Variants in MAGI2 observed in about 807,000 individuals in gnomAD.
MAGI2 encodes the protein membrane-associated guanylate kinase, WW and PDZ domain-containing protein 2.
In MAGI2, 35 loss-of-function variants were observed where a neutral mutation model predicts 133.3. That is an observed-to-expected ratio of 0.26 (90% confidence interval 0.20 to 0.35). The LOEUF (loss-of-function observed/expected upper bound fraction) is 0.35, where lower values mean the gene tolerates loss of function less well. Ranked by LOEUF, MAGI2 falls within the 10% of genes least tolerant of loss-of-function variation. MAGI2 has a pLI of 1.00. For synonymous variants in MAGI2, 729 were observed against 710.6 expected, an observed-to-expected ratio of 1.03 and a Z score of -0.41; for missense variants, 1,636 against 1,863.4, an observed-to-expected ratio of 0.88 and a Z score of 2.25.
chr7:78,422,828 C>A (rs145504030), intron 6 of MAGI2, among the ~76,000 whole-genome samples: 1 of 152,096 alleles, frequency 6.6e-6, no homozygotes, highest in Non-Finnish European at 1.5e-5. Flanking sequence ...AACAGACTCC[C>A]GCTTTTCTGA....
At chr7:78,305,854 A>G (rs1440022840) in intron 9 of MAGI2, among the ~76,000 whole-genome samples, 1 of 152,196 alleles carries the variant, frequency 6.6e-6, no homozygotes, top group African/African-American at 2.4e-5. Context: ...TAAATCCACA[A>G]TACATTTCTA....
At chr7:78,876,891 T>TATTTATTTATTCAACC (rs60897005) in intron 2 of MAGI2, among the ~76,000 whole-genome samples, 2 of 151,720 alleles carry the variant, frequency 1.3e-5, no homozygotes, top group Admixed American at 6.6e-5. Flanking sequence ...CTTCCTCATT[T>TATTTATTTATTCAACC]ATTTATTTAT....
intron 1 of MAGI2, among the ~76,000 whole-genome samples, chr7:79,331,703 G>C (rs1347276766): frequency 6.6e-6 from 1 of 152,080 alleles, no homozygotes; most frequent in Non-Finnish European, 1.5e-5. Flanking sequence ...TTAGTCTAGT[G>C]CCATTTCTAT....
chr7:79,330,736 A>T (rs1411725769), intron 1 of MAGI2, among the ~76,000 whole-genome samples: 4 of 152,154 alleles, frequency 2.6e-5, no homozygotes, highest in South Asian at 4.2e-4. Context: ...ATGGCCAAAG[A>T]TTGTTGTGAG....
chr7:79,059,692 T>C (rs751423775), intron 1 of MAGI2, among the ~76,000 whole-genome samples: 3 of 152,136 alleles, frequency 2.0e-5, no homozygotes, highest in Non-Finnish European at 4.4e-5. Flanking sequence ...CAAGGTAGCA[T>C]ATATTTAAAC....
intron 1 of MAGI2, among the ~76,000 whole-genome samples, chr7:79,068,879 T>C (rs538574171): frequency 5.3e-5 from 8 of 152,324 alleles, no homozygotes; most frequent in Non-Finnish European, 8.8e-5. Flanking sequence ...GTTGTACAGT[T>C]TCCATGTAGA....
intron 20 of MAGI2, among the ~76,000 whole-genome samples, chr7:78,124,926 G>A (rs867002858): frequency 1.3e-4 from 19 of 148,824 alleles, no homozygotes; most frequent in Middle Eastern, 3.5e-3. Context: ...GCAGTGGCAC[G>A]ATCTTGGCTC....
In MAGI2 at chr7:78,695,126, G is replaced by A. The variant is rs545544023; in HGVS notation, c.419-67887C>T. ...TGTAGTCCCAGCTACTCGGGAGGCT[G>A]AGGCAGGAGAATTGCTTGAACCAGG... On this transcript the variant is annotated intron_variant, in intron 2 of 21. Transcript: ENST00000354212. Among the ~76,000 whole-genome samples the A allele has an allele frequency of 2.8e-3, 432 of 152,264 alleles. 5 individuals are homozygous for A. Among genetic ancestry groups the A allele is most frequent in the African/African-American group, 9.7e-3 (401 of 41,546 alleles).
chr7:79,051,602 G>GA (rs1393136043), intron 1 of MAGI2, among the ~76,000 whole-genome samples: 1 of 151,866 alleles, frequency 6.6e-6, no homozygotes, highest in Admixed American at 6.6e-5. Context: ...AAAAATCAGG[G>GA]AAAAACCTAA....
chr7:79,384,606 A>G (rs1349782650), intron 1 of MAGI2, among the ~76,000 whole-genome samples: 1 of 151,644 alleles, frequency 6.6e-6, no homozygotes, highest in Non-Finnish European at 1.5e-5. Flanking sequence ...TTTTCTCATT[A>G]GCTATTGAAT....
At chr7:78,333,262 C>G (rs1789415205) in intron 9 of MAGI2, among the ~76,000 whole-genome samples, 1 of 152,132 alleles carries the variant, frequency 6.6e-6, no homozygotes, top group Non-Finnish European at 1.5e-5. Flanking sequence ...AAAACATTAT[C>G]AATGCTCTGT....
intron 2 of MAGI2, among the ~76,000 whole-genome samples, chr7:78,883,116 G>A (rs908862916): frequency 1.3e-4 from 20 of 152,040 alleles, no homozygotes; most frequent in Non-Finnish European, 1.6e-4. Context: ...CTAATGTATC[G>A]AAAGAAGTCT....
In MAGI2 at chr7:79,453,139, A is replaced by G. The variant is rs760526778; in HGVS notation, c.182T>C (p.Val61Ala). 1.2e-6 allele frequency: 2 copies of G among 1,613,694 alleles called. No homozygotes were observed. The highest frequency in any genetic ancestry group is 1.7e-5 in the Admixed American group (1 of 60,006). ...CACCTCCAGCAGCAGCTCCTCCGAC[A>G]CCAATTTGCTGCCGCTCTCATAGGC... ...KVAYESGSKL[V>A]SEELLLEVNE... The change falls in exon 1 of 22, where the codon GTG becomes GCG. Residue 61 changes from valine (V) to alanine (A), a missense_variant. Val to Ala is a moderately conservative substitution (Grantham distance 64, BLOSUM62 0). Transcript: ENST00000354212.
intron 1 of MAGI2, among the ~76,000 whole-genome samples, chr7:79,383,889 GATAAGA>G (rs1483041731): frequency 6.6e-6 from 1 of 151,320 alleles, no homozygotes; most frequent in Non-Finnish European, 1.5e-5. Context: ...TTCCATTAAT[GATAAGA>G]ATAAGGCAAG....
At chr7:78,305,701 C>T (rs1798196591) in intron 9 of MAGI2, among the ~76,000 whole-genome samples, 1 of 152,148 alleles carries the variant, frequency 6.6e-6, no homozygotes, top group Non-Finnish European at 1.5e-5. Context: ...TTGCATTCTC[C>T]AAGGAACTGT....
chr7:78,708,023 A>G (rs1818823827), intron 2 of MAGI2, among the ~76,000 whole-genome samples: 1 of 152,158 alleles, frequency 6.6e-6, no homozygotes, highest in South Asian at 2.1e-4. Flanking sequence ...CTCATTGAAG[A>G]TTTACCATGA....
At chr7:79,424,255 C>CT (rs1847177836) in intron 1 of MAGI2, among the ~76,000 whole-genome samples, 1 of 138,902 alleles carries the variant, frequency 7.2e-6, no homozygotes, top group African/African-American at 3.2e-5. Flanking sequence ...GCAGATTTTT[C>CT]TTTTCTTTTT....
At chr7:78,946,268 C>T (rs138204728) in intron 2 of MAGI2, among the ~76,000 whole-genome samples, 26 of 152,210 alleles carry the variant, frequency 1.7e-4, no homozygotes, top group African/African-American at 6.3e-4. Flanking sequence ...TGTAAAGCAA[C>T]TAAATATACT....
intron 1 of MAGI2, among the ~76,000 whole-genome samples, chr7:79,338,277 G>C (rs1351453868): frequency 6.6e-6 from 1 of 152,080 alleles, no homozygotes; most frequent in Non-Finnish European, 1.5e-5. Context: ...GCCTTCTCTA[G>C]ATTAGTGTGT....
Sources: gnomAD v4.1 joint callset for allele counts (sites outside exome capture counted in the v4.1 genomes callset) on GRCh38, gnomAD v4.1.1 for gene constraint, MANE v1.5 for transcripts, NCBI Gene and HGNC (gene_info 2026-07-23, HGNC 2026-07-21) for gene names.